The following TXK variants were observed in gnomAD, a reference collection of about 807,000 sequenced individuals.
TXK encodes the protein TXK tyrosine kinase.
A neutral mutation model predicts 81.0 loss-of-function variants in TXK; 60 were observed. That is an observed-to-expected ratio of 0.74 (90% confidence interval 0.60 to 0.92). TXK has a LOEUF of 0.92. Among genes scored for constraint, TXK ranks in the 40% least tolerant of loss-of-function variants. The pLI, the probability that TXK is intolerant of heterozygous loss-of-function variation, is 0.00. For synonymous variants in TXK, 203 were observed against 210.7 expected (o/e 0.96, Z 0.32); for missense variants, 581 against 638.3 (o/e 0.91, Z 0.97).
chr4:48,108,361 A>G (rs1007173560), intron 5 of TXK, among the ~76,000 whole-genome samples: 1 of 152,238 alleles, frequency 6.6e-6, no homozygotes, highest in Non-Finnish European at 1.5e-5. Context: ...ACTAGAATGT[A>G]TTGAACATGT....
At position 48,131,924 on chromosome 4, in the gene TXK, C is replaced by T. The variant is rs78622325; in HGVS notation, c.16+2231G>A. On this transcript the variant is annotated intron_variant, in intron 1 of 14. Transcript: ENST00000264316. ...CAGGGGACACAGGTTGCTGCTTTGT[C>T]GCTTTTTCTGCTTTGCTCTGCTTGG... Among the ~76,000 whole-genome samples the T allele has an allele frequency of 5.3e-5, 8 of 152,166 alleles. No individual in the cohort carries two copies. The East Asian group carries it at 1.5e-3, about 29-fold the overall frequency.
intron 1 of TXK, among the ~76,000 whole-genome samples, chr4:48,130,577 T>C (rs1719225940): frequency 6.6e-6 from 1 of 152,188 alleles, no homozygotes; most frequent in African/African-American, 2.4e-5. Context: ...CCATCACTTT[T>C]ACCATATTCT....
At chr4:48,070,893 C>CTTTTT (rs11309334) in intron 14 of TXK, among the ~76,000 whole-genome samples, 18 of 84,324 alleles carry the variant, frequency 2.1e-4, no homozygotes, top group Middle Eastern at 8.3e-3. Flanking sequence ...TCATTTAATT[C>CTTTTT]TTTTTTTTTT....
At chr4:48,126,620 C>G (rs1209837276) in intron 1 of TXK, among the ~76,000 whole-genome samples, 1 of 152,160 alleles carries the variant, frequency 6.6e-6, no homozygotes, top group Non-Finnish European at 1.5e-5. Flanking sequence ...CCTGCCTCAG[C>G]CTCCCAAGTA....
chr4:48,068,925 G>T (rs1305297584), intron 14 of TXK, among the ~76,000 whole-genome samples: 1 of 152,238 alleles, frequency 6.6e-6, no homozygotes, highest in African/African-American at 2.4e-5. Flanking sequence ...TCTGTGAGGA[G>T]CCTGTTTCTG....
At position 48,074,028 on chromosome 4, in the gene TXK, T is replaced by G. The variant is rs759760477; in HGVS notation, c.1264A>C (p.Ser422Arg). Residue 422 changes from serine (S) to arginine (R), a missense_variant, in exon 13 of 15, where the codon AGT becomes CGT. By Grantham distance (110) the Ser-to-Arg change is moderately radical. Coordinates refer to ENST00000264316, the MANE Select transcript of TXK (RefSeq NM_003328.3). Reference sequence around the variant, plus strand: ...ATTGGGAACTTGGCTCCAAAAGAACTGACATACTCATCATCCAAAACGTAC... The same window carrying G: ...ATTGGGAACTTGGCTCCAAAAGAACGGACATACTCATCATCCAAAACGTAC... ...TRYVLDDEYV[S>R]SFGAKFPIKW... 3.7e-6 allele frequency: 6 copies of G among 1,613,730 alleles called. No homozygotes were observed. Among genetic ancestry groups the G allele is most frequent in the Non-Finnish European group, 5.1e-6 (6 of 1,179,832 alleles).
intron 12 of TXK, among the ~76,000 whole-genome samples, chr4:48,076,012 T>C (rs964148277): frequency 6.6e-6 from 1 of 152,202 alleles, no homozygotes; most frequent in Non-Finnish European, 1.5e-5. Flanking sequence ...CTACTATACT[T>C]AATAATAGAA....
At chr4:48,093,004 C>T (rs1377570775) in intron 8 of TXK, among the ~76,000 whole-genome samples, 1 of 152,204 alleles carries the variant, frequency 6.6e-6, no homozygotes, top group African/African-American at 2.4e-5. Flanking sequence ...AAGCCCTCAT[C>T]TAACCTCATT....
intron 1 of TXK, among the ~76,000 whole-genome samples, chr4:48,120,890 CT>C (rs1346026537): frequency 1.3e-5 from 2 of 151,874 alleles, no homozygotes; most frequent in African/African-American, 4.8e-5. Context: ...CAAAACTGCT[CT>C]TGTTAAGGTC....
At chr4:48,075,052 T>C (rs926754096) in intron 12 of TXK, among the ~76,000 whole-genome samples, 1 of 151,472 alleles carries the variant, frequency 6.6e-6, no homozygotes, top group Non-Finnish European at 1.5e-5. Context: ...CCCCTGAGCT[T>C]TGGGGGGATC....
In TXK at chr4:48,086,505, A is replaced by G; in HGVS notation, c.917T>C (p.Met306Thr). ...VAIKAINEGS[M>T]SEEDFIEEAK... ...CTCTTCAATGAAATCCTCTTCAGAC[A>G]TGGAGCCTTCATTGATGGCCTTGAT... Residue 306 changes from methionine to threonine, a missense_variant, in exon 10 of 15, where the codon ATG becomes ACG. Met to Thr is a moderately conservative substitution (Grantham distance 81, BLOSUM62 -1). Coordinates refer to ENST00000264316, the MANE Select transcript of TXK (RefSeq NM_003328.3). The G allele has an allele frequency of 6.2e-7, 1 of 1,614,092 alleles. No individual in the cohort carries two copies. The highest frequency in any genetic ancestry group is 2.2e-5 in the East Asian group (1 of 44,878).
intron 9 of TXK, among the ~76,000 whole-genome samples, chr4:48,087,426 T>TA (rs1717576695): frequency 6.6e-6 from 1 of 151,598 alleles, no homozygotes; most frequent in African/African-American, 2.4e-5. Flanking sequence ...TATGTTTTAT[T>TA]TTATTATTAT....
Position 48,109,181 on chromosome 4 carries a change from C to CTT in TXK, c.446+1355_446+1356dup, listed in dbSNP as rs35859877. Among the ~76,000 whole-genome samples, 644 of 144,188 alleles carry CTT rather than the reference C, an allele frequency of 4.5e-3. 7 individuals carry two copies. Among genetic ancestry groups the CTT allele is most frequent in the East Asian group, 0.041 (204 of 4,952 alleles). 94.6% of individuals were successfully genotyped at this position (144,188 alleles called of 152,430 possible). ...TCTTGAGTAGATAGCTGTGGAACTG[C>CTT]TTTTTTTTTTTTTCTGTCCTTTTTT... On this transcript the variant is annotated intron_variant, in intron 5 of 14. Transcript: ENST00000264316.
chr4:48,123,765 A>G (rs1719015566), intron 1 of TXK, among the ~76,000 whole-genome samples: 1 of 152,098 alleles, frequency 6.6e-6, no homozygotes. Context: ...GATTCACCCC[A>G]TATACCCATT....
intron 3 of TXK, among the ~76,000 whole-genome samples, 166 bp downstream of exon 3, chr4:48,113,037 TTTTC>T (rs1718686905): frequency 6.6e-6 from 1 of 152,020 alleles, no homozygotes; most frequent in African/African-American, 2.4e-5. Context: ...TTAACTGGTC[TTTTC>T]TTTTTCCTTT....
chr4:48,132,453 T>A (rs1377775426), intron 1 of TXK, among the ~76,000 whole-genome samples: 1 of 152,084 alleles, frequency 6.6e-6, no homozygotes, highest in Non-Finnish European at 1.5e-5. Flanking sequence ...AAAAAGGGAG[T>A]GGCCTGGGCT....
intron 6 of TXK, among the ~76,000 whole-genome samples, chr4:48,098,927 T>A (rs775709111): frequency 3.5e-5 from 5 of 142,506 alleles, no homozygotes; most frequent in Non-Finnish European, 6.0e-5. Context: ...AGCAAGACTG[T>A]CAAAAAACAA....
At chr4:48,108,261 A>G (rs1718525342) in intron 5 of TXK, among the ~76,000 whole-genome samples, 1 of 152,184 alleles carries the variant, frequency 6.6e-6, no homozygotes, top group Non-Finnish European at 1.5e-5. Context: ...GTAACGAAGG[A>G]GTGTTGAATG....
intron 1 of TXK, among the ~76,000 whole-genome samples, chr4:48,117,098 G>C (rs1375098343): frequency 1.3e-5 from 2 of 152,170 alleles, no homozygotes; most frequent in African/African-American, 4.8e-5. Context: ...ATGTTGGCCA[G>C]CCTAGTCTCG....
Sources: gnomAD v4.1 joint callset for allele counts (sites outside exome capture counted in the v4.1 genomes callset) on GRCh38, gnomAD v4.1.1 for gene constraint, MANE v1.5 for transcripts, NCBI Gene and HGNC (gene_info 2026-07-23, HGNC 2026-07-21) for gene names.